Variants in PCDH15 observed in about 807,000 individuals in gnomAD.
PCDH15 encodes protocadherin related 15, also known as protocadherin-15.
In PCDH15, 129 loss-of-function variants were observed where a neutral mutation model predicts 178.5. That is an observed-to-expected ratio of 0.72 (90% confidence interval 0.63 to 0.84). The LOEUF is 0.84. PCDH15 is among the 40% of genes least tolerant of loss of function. The probability of loss-of-function intolerance (pLI) is 0.00; values close to 1 mark genes in which losing one functional copy is unlikely to be tolerated. For synonymous variants in PCDH15, 800 were observed against 732.0 expected (o/e 1.09, Z -1.50); for missense variants, 2,230 against 2,099.9 (o/e 1.06, Z -1.21).
At chr10:55,423,465 G>T (rs976979641) in intron 2 of PCDH15, among the ~76,000 whole-genome samples, 2 of 151,834 alleles carry the variant, frequency 1.3e-5, no homozygotes, top group African/African-American at 4.8e-5. Flanking sequence ...TGAAACAAAT[G>T]GTTGAGGAAA....
chr10:54,065,079 C>T (rs548291875), intron 18 of PCDH15, among the ~76,000 whole-genome samples: 1 of 152,304 alleles, frequency 6.6e-6, no homozygotes, highest in East Asian at 1.9e-4. Flanking sequence ...GACTCAGTGC[C>T]CTTCTATCAG....
At chr10:54,419,600 A>C (rs558221865) in intron 3 of PCDH15, among the ~76,000 whole-genome samples, 2 of 152,198 alleles carry the variant, frequency 1.3e-5, no homozygotes, top group Non-Finnish European at 2.9e-5. Flanking sequence ...AACTTGCTAA[A>C]TTCTTGACTC....
intron 2 of PCDH15, chr10:55,597,223 TAACA>T (rs1842953775): frequency 6.6e-6 from 1 of 152,170 alleles, no homozygotes; most frequent in African/African-American, 2.4e-5. Flanking sequence ...TTGAAGGGCA[TAACA>T]ATCAATACAC....
intron 3 of PCDH15, among the ~76,000 whole-genome samples, chr10:54,468,830 A>G (rs1264699715): frequency 6.6e-6 from 1 of 152,080 alleles, no homozygotes; most frequent in Non-Finnish European, 1.5e-5. Context: ...TGGGTGCTCC[A>G]GTGTTTGCTG....
intron 28 of PCDH15, among the ~76,000 whole-genome samples, chr10:53,849,011 A>G (rs2078164036): frequency 6.6e-6 from 1 of 152,154 alleles, no homozygotes; most frequent in African/African-American, 2.4e-5. Flanking sequence ...GAAAACAACA[A>G]TAGCTCAAAG....
At chr10:54,907,056 C>A (rs1954736589) in intron 2 of PCDH15, among the ~76,000 whole-genome samples, 1 of 152,092 alleles carries the variant, frequency 6.6e-6, no homozygotes, top group Admixed American at 6.6e-5. Flanking sequence ...CATCACTCTG[C>A]ATTTTCTTTT....
intron 23 of PCDH15, among the ~76,000 whole-genome samples, chr10:53,945,592 T>C (rs1455393962): frequency 6.6e-6 from 1 of 151,848 alleles, no homozygotes; most frequent in Non-Finnish European, 1.5e-5. Flanking sequence ...ATGTAACCAT[T>C]TTTTTACGCT....
chr10:54,438,027 T>G (rs1265696360), intron 3 of PCDH15, among the ~76,000 whole-genome samples: 1 of 152,132 alleles, frequency 6.6e-6, no homozygotes, highest in Non-Finnish European at 1.5e-5. Context: ...AATCTATTTT[T>G]GGTAAATTTG....
chr10:54,260,249 T>C (rs994377754), intron 8 of PCDH15, among the ~76,000 whole-genome samples: 7 of 152,174 alleles, frequency 4.6e-5, no homozygotes, highest in African/African-American at 1.7e-4. Context: ...GTGTTCTTTC[T>C]GGGAGAAACT....
intron 2 of PCDH15, among the ~76,000 whole-genome samples, chr10:54,926,741 G>C (rs898659757): frequency 1.3e-5 from 2 of 152,060 alleles, no homozygotes; most frequent in Non-Finnish European, 2.9e-5. Flanking sequence ...TATGTGCACA[G>C]ATGTGTTAAT....
At chr10:55,091,546 G>T (rs909603071) in intron 2 of PCDH15, among the ~76,000 whole-genome samples, 4 of 151,772 alleles carry the variant, frequency 2.6e-5, no homozygotes, top group African/African-American at 9.7e-5. Flanking sequence ...ATTACCAAGG[G>T]TACAATTACT....
chr10:54,600,219 G>C, intron 2 of PCDH15: 1 of 596,300 alleles, frequency 1.7e-6, no homozygotes, highest in Non-Finnish European at 3.1e-6. Context: ...TGGAGAAAGA[G>C]ACCAAAGAAG....
In PCDH15 at chr10:53,959,693, A is replaced by G. The variant is rs759464807; in HGVS notation, c.3122+39T>C. On this transcript the variant is annotated intron_variant, in intron 23 of 37. Transcript: ENST00000644397. ...AGAGACTCCTTTCAAAAATGCCCTA[A>G]ACATTTCGTGTATTTCAAAATCGGA... 5 of 1,492,344 alleles carry G rather than the reference A, an allele frequency of 3.4e-6. No homozygotes were observed. In the East Asian group the frequency reaches 1.1e-4, roughly 34 times the overall value. The allele number at this position is 1,492,344 out of a possible 1,614,324, so 92.4% of individuals were successfully genotyped here.
intron 35 of PCDH15, among the ~76,000 whole-genome samples, chr10:53,815,519 A>G (rs1018677755): frequency 6.6e-6 from 1 of 152,166 alleles, no homozygotes; most frequent in African/African-American, 2.4e-5. Context: ...ATAAAAGTTT[A>G]ATATTCCTGC....
chr10:54,551,154 C>CAAA (rs57337778), intron 2 of PCDH15, among the ~76,000 whole-genome samples: 3,205 of 51,998 alleles, frequency 0.062, 357 homozygotes, highest in African/African-American at 0.14. Context: ...GACTCTGTCT[C>CAAA]AAAAAAAAAA....
intron 26 of PCDH15, among the ~76,000 whole-genome samples, chr10:53,871,931 A>G (rs1589182217): frequency 6.6e-6 from 1 of 152,000 alleles, no homozygotes; most frequent in Admixed American, 6.6e-5. Flanking sequence ...GGATCACCTG[A>G]GGTCACAAGT....
At chr10:54,989,735 G>T (rs1839455570) in intron 2 of PCDH15, among the ~76,000 whole-genome samples, 1 of 152,148 alleles carries the variant, frequency 6.6e-6, no homozygotes, top group South Asian at 2.1e-4. Context: ...TTATAACTTT[G>T]GGGGAATGTT....
chr10:53,968,398 C>G (rs1025306438), intron 21 of PCDH15, among the ~76,000 whole-genome samples: 25 of 152,286 alleles, frequency 1.6e-4, no homozygotes, highest in African/African-American at 5.8e-4. Context: ...GGAGGCCTGC[C>G]TGCCTCTGTA....
At chr10:53,928,938 A>G (rs980927161) in intron 25 of PCDH15, among the ~76,000 whole-genome samples, 1 of 152,080 alleles carries the variant, frequency 6.6e-6, no homozygotes, top group African/African-American at 2.4e-5. Flanking sequence ...TTCTCTCTTT[A>G]GTTCCAGGCT....
Sources: gnomAD v4.1 joint callset for allele counts (sites outside exome capture counted in the v4.1 genomes callset) on GRCh38, gnomAD v4.1.1 for gene constraint, MANE v1.5 for transcripts, NCBI Gene and HGNC (gene_info 2026-07-23, HGNC 2026-07-21) for gene names.